The following EIF2S3 variants were observed in gnomAD, a reference collection of about 807,000 sequenced individuals.
EIF2S3 encodes the protein eukaryotic translation initiation factor 2 subunit gamma.
EIF2S3 carries 2 observed loss-of-function variants against 31.7 expected under a neutral mutation model. The ratio of observed to expected loss-of-function variants is 0.06; its 90% CI spans 0.03 to 0.20. The LOEUF is 0.20. EIF2S3 is among the 10% of genes least tolerant of loss of function. The pLI is 1.00. For synonymous variants in EIF2S3, 120 were observed against 126.7 expected (o/e 0.95, Z 0.36); for missense variants, 96 against 359.3 (o/e 0.27, Z 5.92).
In EIF2S3 at chrX:24,057,624, A is replaced by C; in HGVS notation, c.262-9A>C. 8.3e-7 allele frequency: 1 copy of C among 1,207,959 alleles called. No individual in the cohort carries two copies. On this transcript the variant is annotated splice_polypyrimidine_tract_variant and intron_variant, in intron 3 of 11. Transcript: ENST00000253039. ...AACAAATCAAAATCTTTTTTTATTG[A>C]AATTTTAGATTTATAAGCTTGATGA...
intron 5 of EIF2S3, among the ~76,000 whole-genome samples, chrX:24,061,105 AAAT>A (rs1431592902): frequency 9.3e-6 from 1 of 106,975 alleles, no homozygotes. Flanking sequence ...AAACTACAAA[AAAT>A]TAGCCAGGCT....
In EIF2S3 at chrX:24,055,713, C is replaced by T. The variant is rs200966148; in HGVS notation, c.133+35C>T. ...ACTTAAGAGACCTAACCTTGGTCTC[C>T]AACAATTAATTTTAACCTCACTTTT... is the stretch of plus-strand genomic sequence containing the variant. On this transcript the variant is annotated intron_variant, in intron 2 of 11. Coordinates refer to ENST00000253039, the MANE Select transcript of EIF2S3 (RefSeq NM_001415.4). 33 of 1,158,545 alleles carry T rather than the reference C, an allele frequency of 2.8e-5. No homozygotes were observed. In the African/African-American group the frequency reaches 5.1e-4, roughly 18 times the overall value.
rs199708557 is a variant in EIF2S3, at chrX:24,076,922, TTC to T, written c.*141_*142del. 0.017 allele frequency: 4,720 copies of T among 285,782 alleles called. 31 individuals carry two copies. The highest frequency in any genetic ancestry group is 0.018 in the Non-Finnish European group (3,359 of 183,833). The allele number at this position is 285,782 out of a possible 1,213,427, so 23.6% of individuals were successfully genotyped here. On this transcript the variant is annotated 3_prime_UTR_variant, in exon 12 of 12. Transcript: ENST00000253039. Reference sequence around the variant, plus strand: ...ACCTTAGTAGGTAACGGTAAGGTTATTCTCTTTTTTTTTTTTTTTTTTTTTGG... The same window carrying T: ...ACCTTAGTAGGTAACGGTAAGGTTATTCTTTTTTTTTTTTTTTTTTTTTGG...
Position 24,068,407 on chromosome X carries a change from AT to A in EIF2S3, c.1012+300del, listed in dbSNP as rs758052094. On this transcript the variant is annotated intron_variant, in intron 9 of 11. Coordinates refer to ENST00000253039, the MANE Select transcript of EIF2S3 (RefSeq NM_001415.4). ...TCATGTAAGATATTTACCTACACTT[AT>A]GTTTTTGTTAACATGATTTTTGTGC... Among the ~76,000 whole-genome samples, 3 of 110,627 alleles carry A rather than the reference AT, an allele frequency of 2.7e-5. No individual in the cohort carries two copies. In the East Asian group the frequency reaches 8.4e-4, roughly 31 times the overall value.
intron 8 of EIF2S3, among the ~76,000 whole-genome samples, chrX:24,067,067 GT>G (rs1226653859): frequency 4.7e-5 from 5 of 107,407 alleles, no homozygotes; most frequent in African/African-American, 1.0e-4. Flanking sequence ...TCTGATAATA[GT>G]TTTTTTTTTG....
At chrX:24,072,706 C>T (rs1011258056) in intron 10 of EIF2S3, among the ~76,000 whole-genome samples, 1 of 111,381 alleles carries the variant, frequency 9.0e-6, no homozygotes, top group African/African-American at 3.3e-5. Context: ...CTCAGGTGAT[C>T]TGCCTTCCTC....
rs1930471235 is a variant in EIF2S3 at position 24,060,336 on chromosome X, A to G, written c.478+154A>G. On this transcript the variant is annotated intron_variant, in intron 5 of 11. Coordinates refer to ENST00000253039, the MANE Select transcript of EIF2S3 (RefSeq NM_001415.4). ...GTCATCCAGGATGACTTTCCTACCT[A>G]TCAGCTATCACAAAATACTCAAAAA... The G allele has an allele frequency of 9.0e-6, 4 of 442,587 alleles. No homozygotes were observed. The East Asian group carries it at 1.1e-4, about 13-fold the overall frequency. 36.5% of individuals were successfully genotyped at this position (442,587 alleles called of 1,213,427 possible).
At chrX:24,055,736 T>C in intron 2 of EIF2S3, 58 bp downstream of exon 2, 1 of 1,047,226 alleles carries the variant, frequency 9.5e-7, no homozygotes, top group South Asian at 1.9e-5. Context: ...TAACCTCACT[T>C]TTTGTGTGAT....
chrX:24,069,023 A>T (rs1930620789), intron 9 of EIF2S3, among the ~76,000 whole-genome samples: 1 of 111,793 alleles, frequency 8.9e-6, no homozygotes, highest in African/African-American at 3.2e-5. Flanking sequence ...TCTTCACCCA[A>T]TAAGTTGTGT....
intron 7 of EIF2S3, among the ~76,000 whole-genome samples, chrX:24,065,018 A>G (rs1438358677): frequency 1.8e-5 from 2 of 111,910 alleles, no homozygotes; most frequent in Non-Finnish European, 3.8e-5. Context: ...TTGATCACCT[A>G]GGCTTGTGGT....
In EIF2S3 at chrX:24,068,065, G is replaced by A. The variant is rs200706652; in HGVS notation, c.969G>A (p.Ala323=). 36 of 1,200,592 alleles carry A rather than the reference G, an allele frequency of 3.0e-5. No individual in the cohort carries two copies. The highest frequency in any genetic ancestry group is 1.4e-4 in the South Asian group (8 of 55,365). Residue 323 remains alanine (A), a synonymous_variant, in exon 9 of 12, where the codon GCG becomes GCA. Coordinates refer to ENST00000253039, the MANE Select transcript of EIF2S3 (RefSeq NM_001415.4). ...TTTCCAAAATTGTATCACTTTTTGC[G>A]GAGCATAATGATCTGCAATATGCTG... is the stretch of plus-strand genomic sequence containing the variant. ...PIFSKIVSLF[A]EHNDLQYAAP... is the part of the protein sequence containing the mutation.
intron 8 of EIF2S3, among the ~76,000 whole-genome samples, chrX:24,067,493 C>T (rs370678858): frequency 8.1e-4 from 67 of 82,594 alleles, no homozygotes; most frequent in Admixed American, 3.2e-3. Flanking sequence ...TCGTTCACAT[C>T]TTTTTTTTTT....
At chrX:24,064,176 G>T in intron 6 of EIF2S3, 25 bp from the exon 7 acceptor site, 4 of 1,110,222 alleles carry the variant, frequency 3.6e-6, no homozygotes, top group Non-Finnish European at 4.7e-6. Context: ...GTATAATTTT[G>T]ATCTTTCTAA....
At chrX:24,061,575 T>A (rs865867035) in intron 5 of EIF2S3, among the ~76,000 whole-genome samples, 14 of 102,399 alleles carry the variant, frequency 1.4e-4, no homozygotes, top group African/African-American at 3.6e-4. Flanking sequence ...AAAAAAAAAA[T>A]TTTTTTTTTA....
Position 24,078,017 on chromosome X carries a change from C to A in EIF2S3, c.*1232C>A, listed in dbSNP as rs1398579534. On this transcript the variant is annotated 3_prime_UTR_variant, in exon 12 of 12. Coordinates refer to ENST00000253039, the MANE Select transcript of EIF2S3 (RefSeq NM_001415.4). ...TTAACTTATTCCCCATGTCCCTATACTTCGTGTGCTTTTCCTTTTTTTTTT... is the reference window on the plus strand; with the variant it reads ...TTAACTTATTCCCCATGTCCCTATAATTCGTGTGCTTTTCCTTTTTTTTTT... 1 of 109,638 alleles carries A rather than the reference C, an allele frequency of 9.1e-6. No homozygotes were observed. Among genetic ancestry groups the A allele is most frequent in the Non-Finnish European group, 1.9e-5 (1 of 52,663 alleles). 9.0% of individuals were successfully genotyped at this position (109,638 alleles called of 1,213,427 possible). A position where few individuals can be genotyped will look rare whatever the true frequency, so the allele number is the denominator to read the frequency against.
chrX:24,076,622 G>A, intron 11 of EIF2S3, 100 bp from the exon 12 acceptor site: 1 of 821,730 alleles, frequency 1.2e-6, no homozygotes, highest in Non-Finnish European at 1.8e-6. Flanking sequence ...GAACAAATTT[G>A]AATTCAGAAG....
rs1257331424 is a variant in EIF2S3 at position 24,078,392 on chromosome X, G to A, written c.*1607G>A. The stretch of plus-strand genomic sequence containing the variant: ...GCAGTGATTTGCAACTCTTGCTGAC[G>A]TTGCTGGGGAAGCTTTAAAAAAAAA... On this transcript the variant is annotated 3_prime_UTR_variant, in exon 12 of 12. Transcript: ENST00000253039. 5.5e-5 allele frequency among the ~76,000 whole-genome samples: 6 copies of A among 109,465 alleles called. No individual in the cohort carries two copies. Among genetic ancestry groups the A allele is most frequent in the Non-Finnish European group, 7.6e-5 (4 of 52,666 alleles).
In EIF2S3 at chrX:24,057,757, G is replaced by A. The variant is rs779477417; in HGVS notation, c.383+3G>A. ...AAAGGGAACTTCAAATTAGTCAGGT[G>A]ACCTCTCTTTTGCTACAAACACTAC... On this transcript the variant is annotated splice_donor_region_variant and intron_variant, in intron 4 of 11. Transcript: ENST00000253039. 2.6e-5 allele frequency: 31 copies of A among 1,201,221 alleles called. No homozygotes were observed. Among genetic ancestry groups the A allele is most frequent in the South Asian group, 1.3e-4 (7 of 54,793 alleles).
chrX:24,056,181 A>AAGTTAAAAAGTAAGACTAGTTTTTAACCT (rs200805169), intron 2 of EIF2S3, among the ~76,000 whole-genome samples: 1 of 112,148 alleles, frequency 8.9e-6, no homozygotes, highest in East Asian at 2.8e-4. Context: ...GTACAGAAGT[A>AAGTTAAAAAGTAAGACTAGTTTTTAACCT]AGTTAAAAAG....
Sources: allele counts gnomAD v4.1 joint callset (sites outside exome capture counted in the v4.1 genomes callset), GRCh38; gene constraint gnomAD v4.1.1; transcripts MANE v1.5; gene names NCBI Gene and HGNC (gene_info 2026-07-23, HGNC 2026-07-21).